The following GPR158 variants were observed in gnomAD, a reference collection of about 807,000 sequenced individuals.
GPR158 encodes the protein G protein-coupled receptor 158.
Under a neutral mutation model 78.2 loss-of-function variants are expected in GPR158, and 30 were observed. The observed-to-expected ratio is 0.38, with a 90% CI of 0.29 to 0.52. GPR158 has a LOEUF of 0.52. GPR158 is among the 20% of genes least tolerant of loss of function. The pLI, the probability that GPR158 is intolerant of heterozygous loss-of-function variation, is 0.83. For missense variants in GPR158, 1,463 were observed against 1,523.5 expected (o/e 0.96, Z 0.66); for synonymous variants, 581 against 591.1 (o/e 0.98, Z 0.25).
At chr10:25,208,592 G>A (rs1853081626) in intron 1 of GPR158, among the ~76,000 whole-genome samples, 1 of 151,346 alleles carries the variant, frequency 6.6e-6, no homozygotes, top group African/African-American at 2.4e-5. Flanking sequence ...GTGTGTGTGT[G>A]TGTGTGTGTG....
At chr10:25,282,586 C>T (rs2130755358) in intron 2 of GPR158, among the ~76,000 whole-genome samples, 1 of 152,298 alleles carries the variant, frequency 6.6e-6, no homozygotes, top group Admixed American at 6.5e-5. Context: ...TGTATCCTCA[C>T]TAGCAGTTTC....
intron 6 of GPR158, among the ~76,000 whole-genome samples, chr10:25,570,580 T>C (rs1836992301): frequency 6.6e-6 from 1 of 152,206 alleles, no homozygotes; most frequent in African/African-American, 2.4e-5. Flanking sequence ...ATTTTAATGT[T>C]TTATCTTTCC....
rs911104457 is a variant in GPR158 at position 25,200,875 on chromosome 10, T to G, written c.903-20177T>G. 6.0e-5 allele frequency among the ~76,000 whole-genome samples: 9 copies of G among 150,528 alleles called. 1 individual carries two copies. Among genetic ancestry groups the G allele is most frequent in the East Asian group, 1.9e-4 (1 of 5,154 alleles). ...GTATCTGTTTTTTGTTTTGTTTTTTTTTTTTTTTTTTTCAGTACCATGCTG... is the reference window on the plus strand; with the variant it reads ...GTATCTGTTTTTTGTTTTGTTTTTTGTTTTTTTTTTTTCAGTACCATGCTG... On this transcript the variant is annotated intron_variant, in intron 1 of 10. Coordinates refer to ENST00000376351, the MANE Select transcript of GPR158 (RefSeq NM_020752.3).
intron 3 of GPR158, among the ~76,000 whole-genome samples, chr10:25,404,471 A>G (rs1176119730): frequency 6.6e-6 from 1 of 152,102 alleles, no homozygotes; most frequent in African/African-American, 2.4e-5. Context: ...TATTTAACCA[A>G]CGATTTATTT....
At chr10:25,298,057 A>T (rs563378246) in intron 2 of GPR158, among the ~76,000 whole-genome samples, 1 of 152,174 alleles carries the variant, frequency 6.6e-6, no homozygotes, top group Non-Finnish European at 1.5e-5. Flanking sequence ...TGTTTCACAG[A>T]GTGCCTTTTG....
chr10:25,191,275 C>G (rs953337043), intron 1 of GPR158, among the ~76,000 whole-genome samples: 3 of 152,124 alleles, frequency 2.0e-5, no homozygotes, highest in African/African-American at 7.2e-5. Flanking sequence ...GAAAATGAGA[C>G]CAAGGGAGTT....
At chr10:25,482,528 A>G (rs149633340) in intron 5 of GPR158, among the ~76,000 whole-genome samples, 1 of 152,234 alleles carries the variant, frequency 6.6e-6, no homozygotes, top group African/African-American at 2.4e-5. Context: ...CAGGACTGGA[A>G]CAAGGCTTCC....
chr10:25,188,162 T>C (rs541930650), intron 1 of GPR158, among the ~76,000 whole-genome samples: 62 of 152,314 alleles, frequency 4.1e-4, no homozygotes, highest in African/African-American at 1.1e-3. Context: ...GAACATTCCA[T>C]GCTCATGGAT....
chr10:25,490,110 A>G (rs952948774), intron 5 of GPR158, among the ~76,000 whole-genome samples: 31 of 152,118 alleles, frequency 2.0e-4, no homozygotes, highest in Non-Finnish European at 4.0e-4. Context: ...TACAACCTCA[A>G]GAGCAGTTAA....
At chr10:25,593,826 A>G (rs1019803385) in intron 8 of GPR158, among the ~76,000 whole-genome samples, 5 of 152,056 alleles carry the variant, frequency 3.3e-5, no homozygotes, top group Non-Finnish European at 5.9e-5. Flanking sequence ...GTTTTATTTC[A>G]ATGCTTGGAT....
intron 6 of GPR158, among the ~76,000 whole-genome samples, chr10:25,552,192 C>T (rs1836735248): frequency 6.6e-6 from 1 of 152,144 alleles, no homozygotes; most frequent in Admixed American, 6.5e-5. Context: ...AATTTAGCCT[C>T]TAACTCTAAT....
chr10:25,308,755 T>C (rs188363129), intron 2 of GPR158, among the ~76,000 whole-genome samples: 43 of 152,300 alleles, frequency 2.8e-4, no homozygotes, highest in Admixed American at 6.5e-4. Context: ...ATTCTACTTT[T>C]TGTCTCTATG....
chr10:25,331,164 T>C (rs1855115057), intron 2 of GPR158, among the ~76,000 whole-genome samples: 1 of 152,178 alleles, frequency 6.6e-6, no homozygotes, highest in African/African-American at 2.4e-5. Flanking sequence ...GGTGTCAAAC[T>C]CCTGGCCTCA....
intron 2 of GPR158, among the ~76,000 whole-genome samples, chr10:25,276,174 G>A (rs1018439890): frequency 3.3e-5 from 5 of 152,134 alleles, no homozygotes; most frequent in East Asian, 1.9e-4. Flanking sequence ...GTGTCAAGAC[G>A]TGGTACATTT....
chr10:25,319,637 C>T (rs1452506286), intron 2 of GPR158, among the ~76,000 whole-genome samples: 1 of 152,052 alleles, frequency 6.6e-6, no homozygotes, highest in East Asian at 1.9e-4. Flanking sequence ...TTATCTAAAA[C>T]ATAAAAGAAC....
intron 2 of GPR158, among the ~76,000 whole-genome samples, chr10:25,339,119 G>T (rs1045802493): frequency 6.6e-6 from 1 of 150,466 alleles, no homozygotes; most frequent in African/African-American, 2.4e-5. Flanking sequence ...CAAGTACCTG[G>T]GACTACAGGC....
chr10:25,235,118 G>C (rs1165266423), intron 2 of GPR158, among the ~76,000 whole-genome samples: 2 of 152,198 alleles, frequency 1.3e-5, no homozygotes, highest in Admixed American at 1.3e-4. Context: ...GCTTGAGTTA[G>C]GGAGTGGCAA....
intron 2 of GPR158, among the ~76,000 whole-genome samples, chr10:25,282,591 A>C (rs898228491): frequency 6.6e-6 from 1 of 152,132 alleles, no homozygotes; most frequent in Non-Finnish European, 1.5e-5. Flanking sequence ...CCTCACTAGC[A>C]GTTTCTGAGA....
chr10:25,473,964 G>A (rs922327073), intron 5 of GPR158, among the ~76,000 whole-genome samples: 4 of 152,218 alleles, frequency 2.6e-5, no homozygotes, highest in Admixed American at 6.5e-5. Context: ...TTGCTGATAT[G>A]ATTATGTTAA....
Sources: allele counts gnomAD v4.1 joint callset (sites outside exome capture counted in the v4.1 genomes callset), GRCh38; gene constraint gnomAD v4.1.1; transcripts MANE v1.5; gene names NCBI Gene and HGNC (gene_info 2026-07-23, HGNC 2026-07-21).